The following EXOSC2 variants were observed in gnomAD, a reference collection of about 807,000 sequenced individuals.
The protein encoded by EXOSC2 is exosome component 2, also known as exosome complex component RRP4.
In EXOSC2, 29 loss-of-function variants were observed where a neutral mutation model predicts 37.6. The ratio of observed to expected loss-of-function variants is 0.77; its 90% CI spans 0.57 to 1.05. EXOSC2 has a LOEUF of 1.05. Ranked by LOEUF, EXOSC2 falls within the 50% of genes least tolerant of loss-of-function variation. EXOSC2 has a pLI of 0.00. For missense variants in EXOSC2, 346 were observed against 365.6 expected (o/e 0.95, Z 0.44); for synonymous variants, 119 against 131.1 (o/e 0.91, Z 0.63).
chr9:130,695,684 C>A, intron 2 of EXOSC2, 91 bp downstream of exon 2: 1 of 1,045,190 alleles, frequency 9.6e-7, no homozygotes, highest in East Asian at 2.5e-5. Context: ...CACCCCACCC[C>A]TGCCTGCCCT....
Position 130,699,320 on chromosome 9 carries a change from G to T in EXOSC2, c.361-9G>T, listed in dbSNP as rs1399247636. ...GGCTTAAGTAATGTCATTTCTTTGTGTATTTCAGAGGAGAAGATCTGCAGA... is the reference window on the plus strand; with the variant it reads ...GGCTTAAGTAATGTCATTTCTTTGTTTATTTCAGAGGAGAAGATCTGCAGA... On this transcript the variant is annotated splice_polypyrimidine_tract_variant and intron_variant, in intron 4 of 8. Coordinates refer to ENST00000372358, the MANE Select transcript of EXOSC2 (RefSeq NM_014285.7). 1 of 1,614,052 alleles carries T rather than the reference G, an allele frequency of 6.2e-7. No individual in the cohort carries two copies. Among genetic ancestry groups the T allele is most frequent in the South Asian group, 1.1e-5 (1 of 91,078 alleles).
chr9:130,702,046 A>C (rs1430628749), intron 6 of EXOSC2, 88 bp from the exon 7 acceptor site: 7 of 1,493,056 alleles, frequency 4.7e-6, no homozygotes, highest in Non-Finnish European at 5.4e-6. Flanking sequence ...CACCAATTTG[A>C]ATATACTTAG....
intron 6 of EXOSC2, 140 bp from the exon 7 acceptor site, chr9:130,701,994 A>C (rs755632194): frequency 2.1e-6 from 3 of 1,449,348 alleles, no homozygotes; most frequent in Non-Finnish European, 2.7e-6. Flanking sequence ...AATGTGTACT[A>C]TGTGTATGCA....
chr9:130,698,825 G>A lies in EXOSC2; in HGVS notation c.361-504G>A, dbSNP rs1373476966. 6.6e-6 allele frequency among the ~76,000 whole-genome samples: 1 copy of A among 152,162 alleles called. No individual in the cohort carries two copies. Among genetic ancestry groups the A allele is most frequent in the African/African-American group, 2.4e-5 (1 of 41,450 alleles). ...CAGGGGATATAAGATAACTGACCTA[G>A]TCCCTGGCAGTAGAAGAATAAATAA... On this transcript the variant is annotated intron_variant, in intron 4 of 8. Coordinates refer to ENST00000372358, the MANE Select transcript of EXOSC2 (RefSeq NM_014285.7). The surrounding 1 kb of genome is among the most constrained non-coding windows in gnomAD (Gnocchi z 4.1).
In EXOSC2 at chr9:130,693,797, G is replaced by A. The variant is rs755941119; in HGVS notation, c.6G>A (p.Ala2=). 76 of 1,604,970 alleles carry A rather than the reference G, an allele frequency of 4.7e-5. No homozygotes were observed. Among genetic ancestry groups the A allele is most frequent in the Non-Finnish European group, 4.1e-5 (48 of 1,173,748 alleles). ...CGCAACTCATTGGCGCCAAGATGGC[G>A]ATGGAGATGAGGCTTCCAGTGGCTC... The part of the protein sequence containing the change: M[A]MEMRLPVARK... The change falls in exon 1 of 9, where the codon GCG becomes GCA. Residue 2 remains alanine, a synonymous_variant. Transcript: ENST00000372358.
At chr9:130,697,662 G>A (rs756416784) in intron 3 of EXOSC2, 35 bp downstream of exon 3, 12 of 1,606,158 alleles carry the variant, frequency 7.5e-6, no homozygotes, top group East Asian at 4.5e-5. Context: ...TTACAAAGTC[G>A]AGGCAGGCTG....
chr9:130,699,719 A>G (rs1236199541), intron 5 of EXOSC2: 6 of 274,202 alleles, frequency 2.2e-5, no homozygotes, highest in Non-Finnish European at 3.5e-5. Flanking sequence ...TATTAATGAC[A>G]GGCCGAGTGT....
At chr9:130,703,383 T>C (rs1831261738) in intron 8 of EXOSC2, among the ~76,000 whole-genome samples, 2 of 152,230 alleles carry the variant, frequency 1.3e-5, no homozygotes, top group Admixed American at 6.5e-5. Flanking sequence ...TCTAAGGATT[T>C]TGGGGCAGGA....
At chr9:130,697,346 T>C (rs1831118462) in intron 2 of EXOSC2, among the ~76,000 whole-genome samples, 2 of 152,256 alleles carry the variant, frequency 1.3e-5, no homozygotes, top group African/African-American at 4.8e-5. Context: ...TTGGGCTAAA[T>C]GAACTACTTG....
At chr9:130,699,476 G>A in intron 5 of EXOSC2, 82 bp downstream of exon 5, 1 of 1,322,920 alleles carries the variant, frequency 7.6e-7, no homozygotes, top group Non-Finnish European at 1.1e-6. Context: ...GTCTCTGACG[G>A]AAGAACCATG....
Position 130,694,959 on chromosome 9 carries a change from C to T in EXOSC2, c.123-533C>T, listed in dbSNP as rs554667207. Among the ~76,000 whole-genome samples, 8 of 152,020 alleles carry T rather than the reference C, an allele frequency of 5.3e-5. No homozygotes were observed. Among genetic ancestry groups the T allele is most frequent in the African/African-American group, 1.7e-4 (7 of 41,462 alleles). On this transcript the variant is annotated intron_variant, in intron 1 of 8. Transcript: ENST00000372358. This position sits in a 1 kb window ranked among gnomAD's most constrained non-coding sequence, Gnocchi z 4.0. The stretch of plus-strand genomic sequence containing the variant: ...CCCCTGACCTCAAGTGTGATCTGCC[C>T]GCCTCGGCCTCCCAAAGTGCTGGGA...
chr9:130,703,092 C>G lies in EXOSC2; in HGVS notation c.712C>G (p.Arg238Gly). 6.2e-7 allele frequency: 1 copy of G among 1,613,902 alleles called. No individual in the cohort carries two copies. Among genetic ancestry groups the G allele is most frequent in the South Asian group, 1.1e-5 (1 of 91,056 alleles). Reference sequence around the variant, plus strand: ...TGATCGAGAGGTGATATCCCGGCTTCGGAACTGCATCATCTCGCTGGTAAC... The same window carrying G: ...TGATCGAGAGGTGATATCCCGGCTTGGGAACTGCATCATCTCGCTGGTAAC... ...LADREVISRL[R>G]NCIISLVTQR... is the part of the protein sequence containing the mutation. Residue 238 changes from arginine (R) to glycine (G), a missense_variant, in exon 8 of 9, where the codon CGG becomes GGG. Physicochemically the swap from Arg to Gly is moderately radical, Grantham distance 125 (BLOSUM62 -2). Coordinates refer to ENST00000372358, the MANE Select transcript of EXOSC2 (RefSeq NM_014285.7).
rs908010540 is a variant in EXOSC2 at position 130,694,567 on chromosome 9, A to C, written c.122+654A>C. 3.9e-5 allele frequency among the ~76,000 whole-genome samples: 6 copies of C among 152,212 alleles called. No homozygotes were observed. Among genetic ancestry groups the C allele is most frequent in the Admixed American group, 2.0e-4 (3 of 15,280 alleles). On this transcript the variant is annotated intron_variant, in intron 1 of 8. Transcript: ENST00000372358. This position sits in a 1 kb window ranked among gnomAD's most constrained non-coding sequence, Gnocchi z 4.0. ...GATTAAATGAGACAATTATGTAAGA[A>C]AAGAAGTAAAACCAGCCATTATATC...
At chr9:130,703,017 TTG>T in intron 7 of EXOSC2, 34 bp from the exon 8 acceptor site, 1 of 1,591,142 alleles carries the variant, frequency 6.3e-7, no homozygotes, top group Non-Finnish European at 8.6e-7. Flanking sequence ...TTGGTCCTGT[TTG>T]TATTTCCCTT....
Position 130,704,584 on chromosome 9 carries a change from G to A in EXOSC2, c.*810G>A, listed in dbSNP as rs957190574. 13 of 152,002 alleles carry A rather than the reference G, an allele frequency of 8.6e-5. No individual in the cohort carries two copies. The highest frequency in any genetic ancestry group is 3.1e-4 in the African/African-American group (13 of 41,486). 9.4% of individuals were successfully genotyped at this position (152,002 alleles called of 1,614,324 possible). On this transcript the variant is annotated 3_prime_UTR_variant, in exon 9 of 9. Transcript: ENST00000372358. The stretch of plus-strand genomic sequence containing the variant: ...CTTGGTTGGAATCTGATTTTCTGTT[G>A]CGTGTTCCTTGTAGCCATAGATGTG...
Position 130,700,884 on chromosome 9 carries a change from G to A in EXOSC2, c.444G>A (p.Val148=). ...CTGGCCAGGCTGAGGTCCAGGCAGTGTTCTCTGACGGAGCTGTCTCTTTGC... is the reference window on the plus strand; with the variant it reads ...CTGGCCAGGCTGAGGTCCAGGCAGTATTCTCTGACGGAGCTGTCTCTTTGC... ...GDLISAEVQA[V]FSDGAVSLHT... The change falls in exon 6 of 9, where the codon GTG becomes GTA. Residue 148 remains valine, a synonymous_variant. Coordinates refer to ENST00000372358, the MANE Select transcript of EXOSC2 (RefSeq NM_014285.7). 1 of 1,614,086 alleles carries A rather than the reference G, an allele frequency of 6.2e-7. No homozygotes were observed. Among genetic ancestry groups the A allele is most frequent in the Non-Finnish European group, 8.5e-7 (1 of 1,180,002 alleles).
intron 5 of EXOSC2, among the ~76,000 whole-genome samples, chr9:130,700,071 ACTGGAGTG>A (rs1194089928): frequency 6.6e-6 from 1 of 151,856 alleles, no homozygotes; most frequent in Non-Finnish European, 1.5e-5. Flanking sequence ...TGTTGCCCAG[ACTGGAGTG>A]CAGTGGCGCG....
intron 6 of EXOSC2, chr9:130,701,495 C>G (rs1485309143): frequency 1.6e-6 from 1 of 633,726 alleles, no homozygotes; most frequent in Non-Finnish European, 2.0e-6. Context: ...TTAGCTTTAT[C>G]TGGGTGAACG....
chr9:130,696,447 A>C (rs7020960), intron 2 of EXOSC2, among the ~76,000 whole-genome samples: 37,243 of 151,840 alleles, frequency 0.25, 5,377 homozygotes, highest in East Asian at 0.53. Flanking sequence ...ACTTAAGCTC[A>C]CTCTGGCTGC....
Sources: gnomAD v4.1 joint callset for allele counts (sites outside exome capture counted in the v4.1 genomes callset) on GRCh38, gnomAD v4.1.1 for gene constraint, Gnocchi (gnomAD v3.1) non-coding constraint, MANE v1.5 for transcripts, NCBI Gene and HGNC (gene_info 2026-07-23, HGNC 2026-07-21) for gene names.